IGFL2: variants seen among roughly 807,000 people sequenced by gnomAD.
IGFL2 encodes insulin growth factor-like family member 2.
IGFL2 carries 7 observed loss-of-function variants against 13.9 expected under a neutral mutation model. That is an observed-to-expected ratio of 0.51 (90% CI 0.29 to 0.95). The LOEUF (loss-of-function observed/expected upper bound fraction) is 0.95, where lower values mean the gene tolerates loss of function less well. Among genes scored for constraint, IGFL2 ranks in the 40% least tolerant of loss-of-function variants. The pLI is 0.08. For missense variants in IGFL2, 138 were observed against 147.8 expected (o/e 0.93, Z 0.34); for synonymous variants, 55 against 55.8 (o/e 0.99, Z 0.07).
the IGFL2 span, among the ~76,000 whole-genome samples, chr19:46,088,837 G>T: frequency 5.9e-5 from 9 of 152,218 alleles, no homozygotes; most frequent in South Asian, 1.9e-3. Flanking sequence ...TGTTGATTGG[G>T]GTTTGAGAAG....
At chr19:46,201,073 A>G in the IGFL2 span, among the ~76,000 whole-genome samples, 1 of 152,206 alleles carries the variant, frequency 6.6e-6, no homozygotes, top group African/African-American at 2.4e-5. Flanking sequence ...TGAACTGCAA[A>G]TGGAGAAGCC....
At chr19:46,135,047 G>A in the IGFL2 span, among the ~76,000 whole-genome samples, 2 of 152,086 alleles carry the variant, frequency 1.3e-5, no homozygotes, top group Non-Finnish European at 2.9e-5. Flanking sequence ...ATATCTGTAG[G>A]TATCATTTAC....
the IGFL2 span, among the ~76,000 whole-genome samples, chr19:46,128,772 T>A: frequency 2.0e-5 from 3 of 152,192 alleles, no homozygotes; most frequent in African/African-American, 7.2e-5. Flanking sequence ...TTTTTTGCAT[T>A]GATGTTCATC....
the IGFL2 span, chr19:46,120,271 G>A: frequency 6.2e-7 from 1 of 1,607,646 alleles, no homozygotes; most frequent in Non-Finnish European, 8.5e-7. Context: ...AGTCTCCGAT[G>A]TCCAGCTGCT....
At chr19:46,149,160 C>G in intron 1 of IGFL2, 2 of 679,128 alleles carry the variant, frequency 2.9e-6, no homozygotes, top group Non-Finnish European at 5.3e-6. Context: ...CCCTCTCTCT[C>G]TTCTCTCTCT....
the IGFL2 span, among the ~76,000 whole-genome samples, chr19:46,132,266 G>T: frequency 6.6e-6 from 1 of 152,154 alleles, no homozygotes. Flanking sequence ...AGCTGTGGGG[G>T]CCAAGCCACG....
intron 1 of IGFL2, among the ~76,000 whole-genome samples, chr19:46,156,926 T>C (rs1973856858): frequency 6.6e-6 from 1 of 152,114 alleles, no homozygotes; most frequent in African/African-American, 2.4e-5. Flanking sequence ...AGACACAAAT[T>C]GTCAGTATCA....
At chr19:46,109,481 A>AT in the IGFL2 span, among the ~76,000 whole-genome samples, 5 of 151,460 alleles carry the variant, frequency 3.3e-5, no homozygotes, top group African/African-American at 9.7e-5. Context: ...CACCCAGCTA[A>AT]TTTTTTTTGT....
the IGFL2 span, among the ~76,000 whole-genome samples, chr19:46,175,581 A>G: frequency 6.6e-6 from 1 of 152,150 alleles, no homozygotes; most frequent in African/African-American, 2.4e-5. Context: ...TGTGTCACCC[A>G]GACTGGAGTG....
the IGFL2 span, among the ~76,000 whole-genome samples, chr19:46,079,171 C>T: frequency 9.4e-5 from 14 of 148,322 alleles, no homozygotes; most frequent in South Asian, 2.1e-4. Flanking sequence ...CGGCTTTGGC[C>T]GCCATGTTTT....
At chr19:46,186,794 A>G in the IGFL2 span, among the ~76,000 whole-genome samples, 1 of 152,220 alleles carries the variant, frequency 6.6e-6, no homozygotes, top group Admixed American at 6.5e-5. Context: ...ATTGAAAAAC[A>G]CTGAAGTCCG....
At chr19:46,146,045 A>G (rs1973120031), upstream of IGFL2, among the ~76,000 whole-genome samples, 1 of 152,162 alleles carries the variant, frequency 6.6e-6, no homozygotes, top group East Asian at 1.9e-4. Flanking sequence ...TTTCCCAGAT[A>G]TAAATGTTTT....
At chr19:46,081,734 G>T in the IGFL2 span, among the ~76,000 whole-genome samples, 1 of 152,190 alleles carries the variant, frequency 6.6e-6, no homozygotes, top group South Asian at 2.1e-4. Flanking sequence ...CTCACCAGCT[G>T]CCCTGAATGC....
chr19:46,169,304 T>G, the IGFL2 span, among the ~76,000 whole-genome samples: 1 of 152,150 alleles, frequency 6.6e-6, no homozygotes, highest in Non-Finnish European at 1.5e-5. Flanking sequence ...TGGACTAAAT[T>G]AGGTGAATCA....
At chr19:46,103,352 G>T in the IGFL2 span, among the ~76,000 whole-genome samples, 3 of 152,146 alleles carry the variant, frequency 2.0e-5, no homozygotes, top group African/African-American at 7.2e-5. Context: ...GTTTAGAAAC[G>T]GCTAGGAGAG....
the IGFL2 span, among the ~76,000 whole-genome samples, chr19:46,107,523 G>A: frequency 6.6e-5 from 10 of 152,344 alleles, no homozygotes; most frequent in South Asian, 2.1e-3. Flanking sequence ...GATCCTGGGG[G>A]AGGAGGTCCT....
the IGFL2 span, among the ~76,000 whole-genome samples, chr19:46,194,872 TTTTTTTTTG>T: frequency 7.8e-6 from 1 of 128,498 alleles, no homozygotes; most frequent in South Asian, 2.5e-4. Context: ...TTTTTTTTTT[TTTTTTTTTG>T]GTAGTGTTTT....
At chr19:46,168,938 GTA>G in the IGFL2 span, among the ~76,000 whole-genome samples, 1,698 of 149,776 alleles carry the variant, frequency 0.011, 9 homozygotes, top group Non-Finnish European at 0.018. Context: ...GTGTGTGTGT[GTA>G]TGTGTATGTG....
At chr19:46,124,302 T>A in the IGFL2 span, 4,435 of 1,610,614 alleles carry the variant, frequency 2.8e-3, 374 homozygotes, top group African/African-American at 0.053. Flanking sequence ...GGAGGAAGAC[T>A]GTTATCCAGC....
Sources: gnomAD v4.1 joint callset for allele counts (sites outside exome capture counted in the v4.1 genomes callset) on GRCh38, gnomAD v4.1.1 for gene constraint, MANE v1.5 for transcripts, NCBI Gene and HGNC (gene_info 2026-07-23, HGNC 2026-07-21) for gene names.